Variants in ZNF93 observed in about 807,000 individuals in gnomAD.
ZNF93 encodes zinc finger protein 93.
A neutral mutation model predicts 45.0 loss-of-function variants in ZNF93; 29 were observed. The ratio of observed to expected loss-of-function variants is 0.64; its 90% confidence interval spans 0.48 to 0.88. ZNF93 has a LOEUF of 0.88. Among genes scored for constraint, ZNF93 ranks in the 40% least tolerant of loss-of-function variants. The pLI, the probability that ZNF93 is intolerant of heterozygous loss-of-function variation, is 0.00. For synonymous variants in ZNF93, 223 were observed against 244.6 expected, an observed-to-expected ratio of 0.91 and a Z score of 0.82; for missense variants, 578 against 724.0, an observed-to-expected ratio of 0.80 and a Z score of 2.31.
At chr19:19,928,376 A>T (rs915058051) in intron 3 of ZNF93, among the ~76,000 whole-genome samples, 2 of 152,126 alleles carry the variant, frequency 1.3e-5, no homozygotes, top group Non-Finnish European at 2.9e-5. Context: ...TGAAAAATGA[A>T]ATTTTTGACC....
In ZNF93 at chr19:19,915,326, A is replaced by C; in HGVS notation, c.50A>C (p.Glu17Ala). ...RDVAIEFSLEEWHCLDTAQRN... is the reference protein window; with the variant it reads ...RDVAIEFSLEAWHCLDTAQRN... ...GTGGCCATAGAATTCTCTCTGGAGG[A>C]GTGGCATTGCCTGGACACTGCACAG... Residue 17 changes from glutamate to alanine, a missense_variant, in exon 2 of 4, where the codon GAG becomes GCG. Physicochemically the swap from Glu to Ala is moderately radical, Grantham distance 107. Transcript: ENST00000343769. 6.2e-7 allele frequency: 1 copy of C among 1,614,110 alleles called. No homozygotes were observed.
At chr19:19,924,151 G>T (rs1194119360) in intron 3 of ZNF93, among the ~76,000 whole-genome samples, 1 of 151,822 alleles carries the variant, frequency 6.6e-6, no homozygotes, top group South Asian at 2.1e-4. Context: ...GCAATGGCAT[G>T]ATTTCGGCTC....
intron 3 of ZNF93, among the ~76,000 whole-genome samples, chr19:19,929,052 C>T (rs563281920): frequency 1.3e-5 from 2 of 152,212 alleles, no homozygotes; most frequent in East Asian, 3.9e-4. Flanking sequence ...GGGCAAATTT[C>T]TCATGAATGG....
chr19:19,926,545 G>A (rs547760130), intron 3 of ZNF93, among the ~76,000 whole-genome samples: 24 of 150,434 alleles, frequency 1.6e-4, no homozygotes, highest in African/African-American at 4.9e-4. Flanking sequence ...GCGCAGTGGC[G>A]TGATCTTGCC....
intron 1 of ZNF93, among the ~76,000 whole-genome samples, chr19:19,906,886 T>C (rs889050647): frequency 1.7e-4 from 25 of 151,052 alleles, no homozygotes; most frequent in Admixed American, 1.1e-3. Context: ...TGTGCACTCA[T>C]GGATTTTTTT....
At chr19:19,911,845 GT>G (rs1371299767) in intron 1 of ZNF93, among the ~76,000 whole-genome samples, 1 of 151,976 alleles carries the variant, frequency 6.6e-6, no homozygotes, top group African/African-American at 2.4e-5. Context: ...TGCCGCCCGG[GT>G]TCAGGTGACT....
intron 1 of ZNF93, among the ~76,000 whole-genome samples, chr19:19,911,518 T>C (rs1217618023): frequency 6.6e-6 from 1 of 152,128 alleles, no homozygotes; most frequent in Non-Finnish European, 1.5e-5. Flanking sequence ...ATAAACTAGC[T>C]CCTTCCACTT....
At chr19:19,915,213 C>T in intron 1 of ZNF93, 67 bp from the exon 2 acceptor site, 1 of 1,609,968 alleles carries the variant, frequency 6.2e-7, no homozygotes, top group Non-Finnish European at 8.5e-7. Flanking sequence ...TCTCTCATTT[C>T]ACCTTAAGTA....
At chr19:19,931,851 A>G (rs902576964) in intron 3 of ZNF93, among the ~76,000 whole-genome samples, 4 of 152,176 alleles carry the variant, frequency 2.6e-5, no homozygotes, top group Non-Finnish European at 5.9e-5. Flanking sequence ...TATAAATAAT[A>G]TCTTAGTAAT....
At chr19:19,901,641 C>T (rs1479237025) in intron 1 of ZNF93, among the ~76,000 whole-genome samples, 1 of 152,074 alleles carries the variant, frequency 6.6e-6, no homozygotes, top group East Asian at 1.9e-4. Context: ...ATCAACCCTA[C>T]CCCTTCTTTT....
rs1000422850 is a variant in ZNF93 at position 19,934,757 on chromosome 19, C to G, written c.1802C>G (p.Ala601Gly). ...KPYECDKCGK[A>G]FISPSSLSRH... ...TACGAGTGTGATAAATGTGGCAAAG[C>G]CTTTATTTCACCCTCAAGCCTTAGT... is the stretch of plus-strand genomic sequence containing the variant. Residue 601 changes from alanine to glycine, a missense_variant, in exon 4 of 4, where the codon GCC (alanine) becomes GGC (glycine). Physicochemically the swap from Ala to Gly is moderately conservative, Grantham distance 60. This residue lies in a region of ZNF93 where 119 missense variants were observed against 123.1 expected (regional missense o/e 0.97). Transcript: ENST00000343769. 7 of 1,609,844 alleles carry G rather than the reference C, an allele frequency of 4.3e-6. No individual in the cohort carries two copies. The highest frequency in any genetic ancestry group is 4.2e-6 in the Non-Finnish European group (5 of 1,178,152).
intron 3 of ZNF93, among the ~76,000 whole-genome samples, chr19:19,926,526 C>A (rs1297549868): frequency 6.7e-6 from 1 of 149,748 alleles, no homozygotes; most frequent in Non-Finnish European, 1.5e-5. Flanking sequence ...CTCTGTCGCA[C>A]AGGCTGGAGC....
chr19:19,911,780 C>T (rs569045283), intron 1 of ZNF93, among the ~76,000 whole-genome samples: 2 of 149,512 alleles, frequency 1.3e-5, no homozygotes, highest in South Asian at 2.1e-4. Context: ...GATGGTGTTT[C>T]ACTCTGTCAC....
chr19:19,922,290 G>T (rs962969620), intron 3 of ZNF93, among the ~76,000 whole-genome samples: 17 of 152,252 alleles, frequency 1.1e-4, no homozygotes, highest in African/African-American at 4.1e-4. Context: ...CTTCTGGCTT[G>T]TAGAGTTTCT....
Position 19,934,420 on chromosome 19 carries a change from G to T in ZNF93, c.1465G>T (p.Ala489Ser). The T allele has an allele frequency of 6.2e-7, 1 of 1,613,496 alleles. No homozygotes were observed. The highest frequency in any genetic ancestry group is 8.5e-7 in the Non-Finnish European group (1 of 1,179,984). Residue 489 changes from alanine to serine, a missense_variant, in exon 4 of 4, where the codon GCT becomes TCT. Around this residue, in one of 3 missense-constraint regions of ZNF93, gnomAD observed 13 missense variants for 53.3 expected, o/e 0.24. Coordinates refer to ENST00000343769, the MANE Select transcript of ZNF93 (RefSeq NM_031218.4). The part of the protein sequence containing the change: ...KPYKCEECGK[A>S]FNQSSSLTKH... ...CTACAAATGTGAAGAATGTGGCAAAGCTTTTAACCAGTCCTCTTCCCTTAC... is the reference window on the plus strand; with the variant it reads ...CTACAAATGTGAAGAATGTGGCAAATCTTTTAACCAGTCCTCTTCCCTTAC...
chr19:19,926,757 G>C (rs1245122769), intron 3 of ZNF93, among the ~76,000 whole-genome samples: 1 of 152,060 alleles, frequency 6.6e-6, no homozygotes, highest in East Asian at 1.9e-4. Flanking sequence ...AAGTCAATTT[G>C]AGGTTTAATT....
At chr19:19,918,508 A>C (rs1290470299) in intron 3 of ZNF93, among the ~76,000 whole-genome samples, 2 of 152,136 alleles carry the variant, frequency 1.3e-5, no homozygotes, top group African/African-American at 4.8e-5. Context: ...CTAGTTCTAG[A>C]TCCCTGAGGA....
chr19:19,906,684 T>G (rs1033845648), intron 1 of ZNF93, among the ~76,000 whole-genome samples: 1 of 152,078 alleles, frequency 6.6e-6, no homozygotes, highest in African/African-American at 2.4e-5. Flanking sequence ...GTGTTTAATT[T>G]GTCCTGAGTT....
intron 1 of ZNF93, among the ~76,000 whole-genome samples, chr19:19,905,954 C>T (rs1391954901): frequency 1.3e-5 from 2 of 152,154 alleles, no homozygotes; most frequent in African/African-American, 2.4e-5. Flanking sequence ...CATGTCTTTG[C>T]TGTTGTGAGT....
Sources: gnomAD v4.1 joint callset for allele counts (sites outside exome capture counted in the v4.1 genomes callset) on GRCh38, gnomAD v4.1.1 for gene constraint, gnomAD v4.1.1 regional missense constraint, MANE v1.5 for transcripts, NCBI Gene and HGNC (gene_info 2026-07-23, HGNC 2026-07-21) for gene names.